Variants in TENM2 observed in about 807,000 individuals in gnomAD.
TENM2 encodes the protein teneurin transmembrane protein 2.
TENM2 carries 52 observed loss-of-function variants against 245.2 expected under a neutral mutation model. The observed-to-expected ratio is 0.21, with a 90% confidence interval of 0.17 to 0.27. The LOEUF (loss-of-function observed/expected upper bound fraction) is 0.27. Among genes scored for constraint, TENM2 ranks in the 10% least tolerant of loss-of-function variants. The pLI, the probability that TENM2 is intolerant of heterozygous loss-of-function variation, is 1.00. For missense variants in TENM2, 3,046 were observed against 3,666.8 expected (o/e 0.83, Z 4.37); for synonymous variants, 1,363 against 1,438.9 (o/e 0.95, Z 1.19).
rs572418892 is a variant in TENM2, at chr5:168,041,110, T to C, written c.1187-6317T>C. Among the ~76,000 whole-genome samples, 31 of 152,288 alleles carry C rather than the reference T, an allele frequency of 2.0e-4. No homozygotes were observed. The South Asian group carries it at 6.4e-3, about 32-fold the overall frequency. ...TGGAAACCTCAGAGGGCCGATGTCC[T>C]CCAGTGAGAACTCTGAATGGAGTCT... On this transcript the variant is annotated intron_variant, in intron 5 of 28. Transcript: ENST00000518659.
At chr5:167,046,642 C>T in the TENM2 span, among the ~76,000 whole-genome samples, 1 of 152,280 alleles carries the variant, frequency 6.6e-6, no homozygotes, top group African/African-American at 2.4e-5. Context: ...ATCTCTCTAC[C>T]AAGCAGGCTG....
At chr5:167,019,057 C>G in the TENM2 span, among the ~76,000 whole-genome samples, 1 of 152,280 alleles carries the variant, frequency 6.6e-6, no homozygotes, top group East Asian at 1.9e-4. Flanking sequence ...GCTTTGCATT[C>G]CTATTTTCTA....
chr5:167,873,626 G>A (rs191476002), intron 2 of TENM2, among the ~76,000 whole-genome samples: 2 of 152,206 alleles, frequency 1.3e-5, no homozygotes, highest in Non-Finnish European at 2.9e-5. Context: ...AGCACAGCGA[G>A]TGGCAGATAG....
chr5:167,989,892 C>A (rs1276184095), intron 4 of TENM2, among the ~76,000 whole-genome samples: 1 of 152,122 alleles, frequency 6.6e-6, no homozygotes, highest in Non-Finnish European at 1.5e-5. Flanking sequence ...AGAAGACAAG[C>A]TGCCCAATGC....
intron 2 of TENM2, among the ~76,000 whole-genome samples, chr5:167,602,571 A>C (rs951272756): frequency 6.6e-6 from 1 of 152,190 alleles, no homozygotes; most frequent in Non-Finnish European, 1.5e-5. Flanking sequence ...TGTTGAGACT[A>C]TTTTAGAAGA....
At chr5:168,175,273 G>T (rs189175340) in intron 13 of TENM2, among the ~76,000 whole-genome samples, 18 of 152,292 alleles carry the variant, frequency 1.2e-4, no homozygotes, top group Admixed American at 9.8e-4. Flanking sequence ...TATGATGTGA[G>T]TTCAGAGATT....
At chr5:167,601,293 C>T (rs1776618426) in intron 2 of TENM2, among the ~76,000 whole-genome samples, 1 of 152,228 alleles carries the variant, frequency 6.6e-6, no homozygotes, top group African/African-American at 2.4e-5. Context: ...AGGCACTAGC[C>T]ACATTTAGCT....
intron 3 of TENM2, among the ~76,000 whole-genome samples, chr5:167,882,536 A>C (rs917580771): frequency 6.6e-6 from 1 of 152,228 alleles, no homozygotes; most frequent in East Asian, 1.9e-4. Flanking sequence ...AAAGGGAAGA[A>C]GTTTAATTGA....
At chr5:167,648,300 T>G (rs2150277877) in intron 2 of TENM2, among the ~76,000 whole-genome samples, 1 of 152,360 alleles carries the variant, frequency 6.6e-6, no homozygotes, top group South Asian at 2.1e-4. Context: ...TTTCTTTTTA[T>G]ATTACAAAAA....
intron 3 of TENM2, among the ~76,000 whole-genome samples, chr5:167,895,019 G>A (rs144578380): frequency 0.018 from 2,407 of 134,162 alleles, 77 homozygotes; most frequent in African/African-American, 0.061. Flanking sequence ...GGGAGGGAGG[G>A]AGGGAGGGAG....
intron 2 of TENM2, among the ~76,000 whole-genome samples, chr5:167,846,209 T>C (rs1471235293): frequency 1.3e-5 from 2 of 152,262 alleles, no homozygotes; most frequent in East Asian, 1.9e-4. Context: ...GGACACAGAC[T>C]GTGTCTGGTT....
the TENM2 span, among the ~76,000 whole-genome samples, chr5:167,276,975 C>G: frequency 2.0e-5 from 3 of 151,976 alleles, no homozygotes; most frequent in Non-Finnish European, 4.4e-5. Flanking sequence ...CTGTTTTATT[C>G]CTGATGTGGA....
chr5:168,006,348 G>T (rs1431736294), intron 5 of TENM2, among the ~76,000 whole-genome samples: 1 of 152,196 alleles, frequency 6.6e-6, no homozygotes, highest in Admixed American at 6.5e-5. Context: ...AGGTTCTAGG[G>T]CGCGAGGGTT....
intron 2 of TENM2, among the ~76,000 whole-genome samples, chr5:167,534,829 C>G (rs1464926573): frequency 6.6e-6 from 1 of 152,166 alleles, no homozygotes; most frequent in Non-Finnish European, 1.5e-5. Flanking sequence ...TGTCCTGTCA[C>G]TCCAGTTGTC....
At chr5:167,007,566 T>C in the TENM2 span, among the ~76,000 whole-genome samples, 2 of 152,178 alleles carry the variant, frequency 1.3e-5, 1 homozygote, top group Non-Finnish European at 2.9e-5. This position sits in a 1 kb window ranked among gnomAD's most constrained non-coding sequence, Gnocchi z 4.2. Context: ...ATGTTAATGT[T>C]TGATGTAAAT....
intron 2 of TENM2, among the ~76,000 whole-genome samples, chr5:167,397,301 TAAG>T (rs1762110635): frequency 6.6e-6 from 1 of 152,068 alleles, no homozygotes; most frequent in African/African-American, 2.4e-5. Context: ...AAATGAAAGA[TAAG>T]AAAATATTAT....
the TENM2 span, among the ~76,000 whole-genome samples, chr5:167,164,688 C>G: frequency 6.6e-6 from 1 of 152,064 alleles, no homozygotes; most frequent in Admixed American, 6.6e-5. Flanking sequence ...AAGTCATGAG[C>G]AGAACTAGAC....
At chr5:168,226,574 C>CATCA (rs1478133007) in intron 24 of TENM2, among the ~76,000 whole-genome samples, 4 of 152,268 alleles carry the variant, frequency 2.6e-5, no homozygotes, top group Middle Eastern at 3.4e-3. Context: ...CTTACCCTTC[C>CATCA]ATCACCACCT....
At chr5:167,578,067 T>A (rs1281679890) in intron 2 of TENM2, among the ~76,000 whole-genome samples, 1 of 152,202 alleles carries the variant, frequency 6.6e-6, no homozygotes, top group African/African-American at 2.4e-5. Context: ...TGGAGGGTCT[T>A]GAACGGCAAG....
Sources: gnomAD v4.1 joint callset for allele counts (sites outside exome capture counted in the v4.1 genomes callset) on GRCh38, gnomAD v4.1.1 for gene constraint, Gnocchi (gnomAD v3.1) non-coding constraint, MANE v1.5 for transcripts, NCBI Gene and HGNC (gene_info 2026-07-23, HGNC 2026-07-21) for gene names.